SOX5: variants seen among roughly 807,000 people sequenced by gnomAD.
SOX5 encodes the protein SRY-box transcription factor 5, also known as transcription factor SOX-5.
In SOX5, 9 loss-of-function variants were observed where a neutral mutation model predicts 92.0. The ratio of observed to expected loss-of-function variants is 0.10; its 90% confidence interval spans 0.06 to 0.17. The LOEUF (loss-of-function observed/expected upper bound fraction) is 0.17, where lower values mean the gene tolerates loss of function less well. Among genes scored for constraint, SOX5 ranks in the 10% least tolerant of loss-of-function variants. The pLI is 1.00. For synonymous variants in SOX5, 344 were observed against 336.3 expected, an observed-to-expected ratio of 1.02 and a Z score of -0.25; for missense variants, 642 against 944.5, an observed-to-expected ratio of 0.68 and a Z score of 4.20.
chr12:24,065,506 G>C (rs2137332809), intron 4 of SOX5, among the ~76,000 whole-genome samples: 1 of 151,848 alleles, frequency 6.6e-6, no homozygotes, highest in African/African-American at 2.4e-5. Context: ...AATTAGCCAG[G>C]CGTGGTGGTG....
rs189305991 is a variant in SOX5, at chr12:23,662,348, G to A, written c.931+3096C>T. ...ATACCGAATGCCAAACAGAATCTGG[G>A]AGGCTGCTGATACTACATCAACATC... On this transcript the variant is annotated intron_variant, in intron 7 of 14. Coordinates refer to ENST00000451604, the MANE Select transcript of SOX5 (RefSeq NM_006940.6). Among the ~76,000 whole-genome samples the A allele has an allele frequency of 6.3e-3, 959 of 152,188 alleles. 4 individuals are homozygous for A. The highest frequency in any genetic ancestry group is 0.018 in the South Asian group (85 of 4,812).
At chr12:23,575,022 A>G (rs1303973002) in intron 10 of SOX5, among the ~76,000 whole-genome samples, 2 of 152,212 alleles carry the variant, frequency 1.3e-5, no homozygotes, top group African/African-American at 2.4e-5. Context: ...AATAATACAA[A>G]TATCAATAAA....
rs1023941710 is a variant in SOX5 at position 23,533,880 on chromosome 12, T to C, written c.*339A>G. ...TACCTGAGTGAGAATTTCTAGAACA[T>C]TGTAGAACAAACAGCCATAAAGTTT... On this transcript the variant is annotated 3_prime_UTR_variant, in exon 15 of 15. Transcript: ENST00000451604. 12 of 194,704 alleles carry C rather than the reference T, an allele frequency of 6.2e-5. No individual in the cohort carries two copies. The South Asian group carries it at 1.2e-3, about 19-fold the overall frequency. 12.1% of individuals were successfully genotyped at this position (194,704 alleles called of 1,614,324 possible).
chr12:23,828,339 C>T (rs1380106383), intron 3 of SOX5, among the ~76,000 whole-genome samples: 2 of 152,114 alleles, frequency 1.3e-5, no homozygotes, highest in East Asian at 1.9e-4. Flanking sequence ...TGTGTGCACA[C>T]ACACACATGT....
intron 1 of SOX5, among the ~76,000 whole-genome samples, chr12:24,443,270 T>A (rs527352780): frequency 6.6e-6 from 1 of 152,270 alleles, no homozygotes; most frequent in South Asian, 2.1e-4. Flanking sequence ...GGATTATTTT[T>A]AAAACACTTT....
intron 3 of SOX5, among the ~76,000 whole-genome samples, chr12:24,274,858 G>A (rs1057212353): frequency 6.6e-6 from 1 of 152,110 alleles, no homozygotes; most frequent in Admixed American, 6.5e-5. Flanking sequence ...CACAAGTTGT[G>A]CTTTGTGCCT....
intron 6 of SOX5, among the ~76,000 whole-genome samples, chr12:23,673,634 G>A (rs1452419930): frequency 6.6e-6 from 1 of 151,790 alleles, no homozygotes; most frequent in Non-Finnish European, 1.5e-5. Context: ...TTTGCCCAAT[G>A]GTTTCTATTA....
intron 1 of SOX5, among the ~76,000 whole-genome samples, chr12:24,509,100 T>G (rs1949068241): frequency 1.3e-5 from 2 of 152,212 alleles, no homozygotes; most frequent in Admixed American, 6.5e-5. Context: ...TGATGGCCAG[T>G]CAGTAGACAA....
At chr12:24,100,636 T>G (rs1217917471) in intron 4 of SOX5, among the ~76,000 whole-genome samples, 2 of 152,126 alleles carry the variant, frequency 1.3e-5, no homozygotes, top group East Asian at 3.9e-4. Flanking sequence ...AACAAATTTA[T>G]GTCTCTAACC....
chr12:24,346,461 T>C (rs932460236), intron 2 of SOX5, among the ~76,000 whole-genome samples: 3 of 151,698 alleles, frequency 2.0e-5, no homozygotes, highest in Non-Finnish European at 4.4e-5. Flanking sequence ...TACTTTTTTT[T>C]TTTTTTTTGA....
chr12:24,120,491 A>G (rs1485983889), intron 4 of SOX5, among the ~76,000 whole-genome samples: 2 of 152,202 alleles, frequency 1.3e-5, no homozygotes, highest in Middle Eastern at 3.2e-3. Context: ...TACATTTCGA[A>G]CTATTCTTTC....
intron 4 of SOX5, among the ~76,000 whole-genome samples, chr12:23,957,986 T>G (rs1347884232): frequency 6.6e-6 from 1 of 152,154 alleles, no homozygotes; most frequent in Non-Finnish European, 1.5e-5. Context: ...AACACCTAAC[T>G]GTTAATACCC....
At chr12:23,593,420 C>T (rs1951865952) in intron 9 of SOX5, among the ~76,000 whole-genome samples, 1 of 152,030 alleles carries the variant, frequency 6.6e-6, no homozygotes, top group South Asian at 2.1e-4. Flanking sequence ...TGATGGAGAA[C>T]CTCATTTTCT....
At chr12:23,663,720 C>A (rs79528463) in intron 7 of SOX5, among the ~76,000 whole-genome samples, 3 of 151,588 alleles carry the variant, frequency 2.0e-5, no homozygotes, top group African/African-American at 7.3e-5. Flanking sequence ...AAACAAAAAA[C>A]CTTCATGATT....
At chr12:23,948,828 T>C (rs994494139) in intron 1 of SOX5, among the ~76,000 whole-genome samples, 1 of 152,048 alleles carries the variant, frequency 6.6e-6, no homozygotes, top group Non-Finnish European at 1.5e-5. Context: ...TTTCTCTAAA[T>C]AGGAACAACT....
chr12:24,139,671 T>A (rs182143707), intron 4 of SOX5, among the ~76,000 whole-genome samples: 40 of 152,360 alleles, frequency 2.6e-4, no homozygotes, highest in Admixed American at 5.2e-4. Context: ...CACACTGCAA[T>A]TTTTAATCTC....
chr12:23,607,466 A>AT (rs569730739), intron 8 of SOX5, among the ~76,000 whole-genome samples: 3 of 152,162 alleles, frequency 2.0e-5, no homozygotes, highest in Non-Finnish European at 4.4e-5. Context: ...AGAGTGGATA[A>AT]TTTTTTTAAA....
At chr12:23,850,140 C>G (rs775943869) in intron 2 of SOX5, among the ~76,000 whole-genome samples, 4 of 152,020 alleles carry the variant, frequency 2.6e-5, no homozygotes, top group Non-Finnish European at 5.9e-5. Flanking sequence ...TATAAAATAT[C>G]ACCAGGATGG....
chr12:23,624,680 G>A (rs995423245), intron 8 of SOX5, among the ~76,000 whole-genome samples: 2 of 152,176 alleles, frequency 1.3e-5, no homozygotes, highest in Non-Finnish European at 2.9e-5. Context: ...TTGGAGAATT[G>A]CTTTCTGAGG....
Sources: gnomAD v4.1 joint callset for allele counts (sites outside exome capture counted in the v4.1 genomes callset) on GRCh38, gnomAD v4.1.1 for gene constraint, MANE v1.5 for transcripts, NCBI Gene and HGNC (gene_info 2026-07-23, HGNC 2026-07-21) for gene names.